STAU2: variants seen among roughly 807,000 people sequenced by gnomAD.
STAU2 encodes double-stranded RNA-binding protein Staufen homolog 2.
In STAU2, 20 loss-of-function variants were observed where a neutral mutation model predicts 65.9. That is an observed-to-expected ratio of 0.30 (90% CI 0.21 to 0.44). The LOEUF (loss-of-function observed/expected upper bound fraction) is 0.44, where lower values mean the gene tolerates loss of function less well. Among genes scored for constraint, STAU2 ranks in the 20% least tolerant of loss-of-function variants. The pLI is 1.00. For synonymous variants in STAU2, 232 were observed against 233.9 expected (o/e 0.99, Z 0.07); for missense variants, 558 against 683.9 (o/e 0.82, Z 2.05).
intron 1 of STAU2, among the ~76,000 whole-genome samples, chr8:73,741,372 T>C (rs992928786): frequency 6.6e-6 from 1 of 152,076 alleles, no homozygotes; most frequent in Non-Finnish European, 1.5e-5. Context: ...TCTTTATTAG[T>C]ATACGTTGCT....
chr8:73,555,753 T>G (rs569400422), intron 12 of STAU2, among the ~76,000 whole-genome samples: 1 of 152,368 alleles, frequency 6.6e-6, no homozygotes, highest in South Asian at 2.1e-4. Context: ...ATTGCCATTT[T>G]CTATCACGGA....
At chr8:73,501,058 T>A (rs1821724592) in intron 13 of STAU2, among the ~76,000 whole-genome samples, 1 of 151,904 alleles carries the variant, frequency 6.6e-6, no homozygotes, top group Non-Finnish European at 1.5e-5. Flanking sequence ...AATGCATCAC[T>A]AATGATGTAC....
At chr8:73,476,132 T>C (rs1447772908) in intron 13 of STAU2, among the ~76,000 whole-genome samples, 4 of 152,152 alleles carry the variant, frequency 2.6e-5, no homozygotes, top group Non-Finnish European at 5.9e-5. Context: ...GGGAGCGATA[T>C]GGGCACCTTT....
intron 13 of STAU2, among the ~76,000 whole-genome samples, chr8:73,446,673 C>A (rs1818486121): frequency 6.6e-6 from 1 of 152,128 alleles, no homozygotes; most frequent in African/African-American, 2.4e-5. Flanking sequence ...CTGGGTCTCA[C>A]TGTGTTGCCC....
chr8:73,715,973 G>A (rs1182823235), intron 3 of STAU2, among the ~76,000 whole-genome samples: 1 of 152,088 alleles, frequency 6.6e-6, no homozygotes, highest in Non-Finnish European at 1.5e-5. Flanking sequence ...ACAGTGCAGT[G>A]GCGCAATCTC....
intron 10 of STAU2, among the ~76,000 whole-genome samples, chr8:73,595,742 C>T (rs1456680480): frequency 6.6e-6 from 1 of 152,042 alleles, no homozygotes; most frequent in Non-Finnish European, 1.5e-5. Context: ...ATTATGTAAA[C>T]ATTCAAGTTT....
At chr8:73,478,305 T>TAAAAAAAAAAAAAA (rs10660977) in intron 13 of STAU2, among the ~76,000 whole-genome samples, 1 of 77,516 alleles carries the variant, frequency 1.3e-5, no homozygotes, top group East Asian at 3.7e-4. Context: ...ACTGATGAGC[T>TAAAAAAAAAAAAAA]AAAAAAAAAA....
chr8:73,480,509 G>A (rs1296429903), intron 13 of STAU2, among the ~76,000 whole-genome samples: 1 of 152,116 alleles, frequency 6.6e-6, no homozygotes. Context: ...TTAGCATTTG[G>A]AAACACAATG....
intron 6 of STAU2, among the ~76,000 whole-genome samples, chr8:73,654,664 A>AAAAAAAAAAAAAAAAC (rs1554556802): frequency 1.2e-4 from 15 of 122,972 alleles, no homozygotes; most frequent in East Asian, 4.7e-4. Context: ...AAAAAAAAGA[A>AAAAAAAAAAAAAAAAC]CTCTTTTAAT....
intron 13 of STAU2, among the ~76,000 whole-genome samples, chr8:73,505,247 G>C (rs1821997481): frequency 6.6e-6 from 1 of 151,868 alleles, no homozygotes; most frequent in African/African-American, 2.4e-5. Context: ...ATTTTTTTAA[G>C]CAAGTAAAAA....
chr8:73,486,604 AT>A (rs1218917654), intron 13 of STAU2, among the ~76,000 whole-genome samples: 3 of 133,184 alleles, frequency 2.3e-5, no homozygotes, highest in South Asian at 2.5e-4. Flanking sequence ...TTCCTGAAAA[AT>A]ATCCATTATA....
chr8:73,718,440 A>G (rs1296587684), intron 3 of STAU2, among the ~76,000 whole-genome samples: 5 of 152,240 alleles, frequency 3.3e-5, no homozygotes, highest in Admixed American at 6.5e-5. Context: ...CAAAAAATGC[A>G]GCACTAAATA....
chr8:73,519,738 A>C (rs1822940417), intron 13 of STAU2, among the ~76,000 whole-genome samples: 2 of 152,238 alleles, frequency 1.3e-5, no homozygotes, highest in Non-Finnish European at 2.9e-5. Context: ...AATTCAATTT[A>C]ATTCCATCCT....
chr8:73,527,905 T>C lies in STAU2; in HGVS notation c.1530+24107A>G, dbSNP rs1307665317. Reference sequence around the variant, plus strand: ...GGTCTAGATTTCACAGAACACACTTTAAATATTTAAAACCTTATTGAACCC... The same window carrying C: ...GGTCTAGATTTCACAGAACACACTTCAAATATTTAAAACCTTATTGAACCC... On this transcript the variant is annotated intron_variant, in intron 13 of 14. Coordinates refer to ENST00000524300, the MANE Select transcript of STAU2 (RefSeq NM_001164380.2). The C allele has an allele frequency of 2.1e-5, 14 of 672,606 alleles. 1 individual carries two copies. The highest frequency in any genetic ancestry group is 5.1e-4 in the Middle Eastern group (2 of 3,938). 41.7% of individuals were successfully genotyped at this position (672,606 alleles called of 1,614,324 possible).
intron 3 of STAU2, among the ~76,000 whole-genome samples, chr8:73,726,008 G>GTTTT (rs755019951): frequency 6.9e-6 from 1 of 144,618 alleles, no homozygotes; most frequent in Non-Finnish European, 1.5e-5. Flanking sequence ...GCGTGGTTAG[G>GTTTT]TTTTTTTTTT....
At position 73,649,869 on chromosome 8, in the gene STAU2, TTATATA is replaced by T. The variant is rs55814743; in HGVS notation, c.410+23232_410+23237del. ...TAGTATATATGTCTTCTATATAATT[TTATATA>T]TATATATATATATATATATATATAT... is the stretch of plus-strand genomic sequence containing the variant. On this transcript the variant is annotated intron_variant, in intron 6 of 14. Transcript: ENST00000524300. Among the ~76,000 whole-genome samples the T allele has an allele frequency of 8.8e-3, 630 of 71,600 alleles. 10 individuals carry two copies. The highest frequency in any genetic ancestry group is 0.02 in the Middle Eastern group (2 of 102). The allele number at this position is 71,600 out of a possible 152,430, so 47.0% of individuals were successfully genotyped here.
At chr8:73,720,257 T>G (rs1821544495) in intron 3 of STAU2, among the ~76,000 whole-genome samples, 1 of 140,776 alleles carries the variant, frequency 7.1e-6, no homozygotes, top group African/African-American at 2.7e-5. Context: ...GGCGACAGAG[T>G]GAGACCCTGT....
At chr8:73,588,526 C>G (rs1810539686) in intron 11 of STAU2, among the ~76,000 whole-genome samples, 2 of 152,136 alleles carry the variant, frequency 1.3e-5, no homozygotes. Context: ...GGGATAAGCA[C>G]AGAACCTTGC....
At chr8:73,477,320 G>T (rs1291507848) in intron 13 of STAU2, among the ~76,000 whole-genome samples, 1 of 152,120 alleles carries the variant, frequency 6.6e-6, no homozygotes, top group Non-Finnish European at 1.5e-5. Flanking sequence ...CTATTAGTTA[G>T]CTCTGAAATA....
Sources: gnomAD v4.1 joint callset for allele counts (sites outside exome capture counted in the v4.1 genomes callset) on GRCh38, gnomAD v4.1.1 for gene constraint, MANE v1.5 for transcripts, NCBI Gene and HGNC (gene_info 2026-07-23, HGNC 2026-07-21) for gene names.